Variants in ZNF248 observed in about 807,000 individuals in gnomAD.
The protein encoded by ZNF248 is KRAB protein domain.
In ZNF248, 20 loss-of-function variants were observed where a neutral mutation model predicts 44.3. That is an observed-to-expected ratio of 0.45 (90% CI 0.32 to 0.66). ZNF248 has a LOEUF of 0.66. ZNF248 is among the 30% of genes least tolerant of loss of function. The pLI is 0.04. For missense variants in ZNF248, 654 were observed against 677.0 expected (o/e 0.97, Z 0.38); for synonymous variants, 224 against 229.0 (o/e 0.98, Z 0.20).
downstream of ZNF248, among the ~76,000 whole-genome samples, chr10:37,772,608 G>T (rs1455203711): frequency 2.6e-5 from 4 of 152,204 alleles, no homozygotes; most frequent in Non-Finnish European, 5.9e-5. Flanking sequence ...GAGAGAAAAA[G>T]ATTTTGCTTT....
chr10:37,792,271 C>T (rs1006076883), intron 6 of ZNF248, among the ~76,000 whole-genome samples: 4 of 152,082 alleles, frequency 2.6e-5, no homozygotes, highest in Non-Finnish European at 4.4e-5. Context: ...GGAACTGTTT[C>T]CCTATAAACT....
intron 5 of ZNF248, 135 bp from the exon 6 acceptor site, chr10:37,833,251 A>C: frequency 7.7e-7 from 1 of 1,297,582 alleles, no homozygotes; most frequent in Non-Finnish European, 1.0e-6. Context: ...ACTGAGTTCA[A>C]GTGTACATTT....
Position 37,830,978 on chromosome 10 carries a change from G to A in ZNF248, c.*637C>T, listed in dbSNP as rs2055466847. On this transcript the variant is annotated 3_prime_UTR_variant, in exon 6 of 6. Transcript: ENST00000395867. ...TTTAACAATCAGAACTTTTAAGTCA[G>A]TATGAGGTTATACTAGCACATCACT... is the stretch of plus-strand genomic sequence containing the variant. 1.7e-6 allele frequency: 1 copy of A among 594,070 alleles called. No homozygotes were observed. The highest frequency in any genetic ancestry group is 2.0e-5 in the African/African-American group (1 of 51,076). The allele number at this position is 594,070 out of a possible 1,614,324, so 36.8% of individuals were successfully genotyped here. A position where few individuals can be genotyped will look rare whatever the true frequency, so the allele number is the denominator to read the frequency against.
intron 6 of ZNF248, among the ~76,000 whole-genome samples, chr10:37,777,039 A>G (rs1294327999): frequency 6.6e-6 from 1 of 152,190 alleles, no homozygotes; most frequent in Admixed American, 6.5e-5. Context: ...TACATATGCC[A>G]AAAATGTGAA....
chr10:37,824,874 G>A (rs2054121966), downstream of ZNF248, among the ~76,000 whole-genome samples: 1 of 137,804 alleles, frequency 7.3e-6, no homozygotes, highest in Non-Finnish European at 1.6e-5. Context: ...TTTTTTAGTA[G>A]AGACGGGGTT....
In ZNF248 at chr10:37,832,234, T is replaced by G. The variant is rs569750801; in HGVS notation, c.1121A>C (p.His374Pro). The change falls in exon 6 of 6, where the codon CAC becomes CCC. Residue 374 changes from histidine (H) to proline (P), a missense_variant. Physicochemically the swap from His to Pro is moderately conservative, Grantham distance 77 (BLOSUM62 -2). Transcript: ENST00000395867. ...KSHLTQLRRA[H>P]TGEKTFECGE... ...ACATTCAAAGGTTTTTTCTCCTGTG[T>G]GAGCTCTCCGAAGCTGGGTAAGATG... 1.9e-6 allele frequency: 3 copies of G among 1,614,108 alleles called. No homozygotes were observed. In the East Asian group the frequency reaches 6.7e-5, roughly 36 times the overall value.
chr10:37,767,566 G>A, the ZNF248 span, among the ~76,000 whole-genome samples: 1 of 152,258 alleles, frequency 6.6e-6, no homozygotes, highest in Admixed American at 6.5e-5. Flanking sequence ...TTACAGACAA[G>A]TAAATGCTGA....
chr10:37,811,729 C>T (rs2051546096), intron 6 of ZNF248, among the ~76,000 whole-genome samples: 1 of 151,128 alleles, frequency 6.6e-6, no homozygotes, highest in South Asian at 2.1e-4. Context: ...CCCTGTAGTC[C>T]TAGCTGCTTG....
downstream of ZNF248, among the ~76,000 whole-genome samples, chr10:37,827,786 G>A (rs2054623328): frequency 6.6e-6 from 1 of 152,116 alleles, no homozygotes; most frequent in Admixed American, 6.6e-5. Context: ...AGGCATCAAG[G>A]ATACCCAAGG....
intron 3 of ZNF248, among the ~76,000 whole-genome samples, 193 bp from the exon 4 acceptor site, chr10:37,838,304 T>C (rs1200027468): frequency 6.6e-6 from 1 of 152,230 alleles, no homozygotes; most frequent in Non-Finnish European, 1.5e-5. Context: ...TGCTAGCTGC[T>C]GCAAATCCTA....
the ZNF248 span, among the ~76,000 whole-genome samples, chr10:37,766,155 T>C: frequency 6.6e-6 from 1 of 152,244 alleles, no homozygotes. Context: ...GAGGCCTGCC[T>C]GCCTCTGTAG....
chr10:37,829,591 C>A lies in ZNF248; in HGVS notation c.*2024G>T, dbSNP rs2133832826. 1.0e-6 allele frequency: 1 copy of A among 985,350 alleles called. No individual in the cohort carries two copies. Among genetic ancestry groups the A allele is most frequent in the East Asian group, 1.1e-4 (1 of 8,814 alleles). The allele number at this position is 985,350 out of a possible 1,614,324, so 61.0% of individuals were successfully genotyped here. A position where few individuals can be genotyped will look rare whatever the true frequency, so the allele number is the denominator to read the frequency against. ...ACAGTTATTGAGGGTTATAAAAAGT[C>A]CCAGTAGAGAACAGGTATAGAGAGC... On this transcript the variant is annotated 3_prime_UTR_variant, in exon 6 of 6. Transcript: ENST00000395867.
intron 6 of ZNF248, chr10:37,820,877 ATTG>A: frequency 7.8e-7 from 1 of 1,283,326 alleles, no homozygotes; most frequent in South Asian, 1.2e-5. Flanking sequence ...TTGCATATTT[ATTG>A]TTTTTTCCTC....
intron 5 of ZNF248, among the ~76,000 whole-genome samples, chr10:37,834,462 T>C (rs1394718000): frequency 2.0e-5 from 3 of 152,168 alleles, no homozygotes; most frequent in Non-Finnish European, 4.4e-5. Flanking sequence ...TATCATAGAA[T>C]ACTTTCAGAA....
At chr10:37,774,423 C>T (rs1218520261), downstream of ZNF248, among the ~76,000 whole-genome samples, 1 of 152,162 alleles carries the variant, frequency 6.6e-6, no homozygotes, top group Non-Finnish European at 1.5e-5. Context: ...TGTGTTTCAG[C>T]TCTCGAGGGG....
At chr10:37,782,053 G>A (rs902537796) in intron 6 of ZNF248, among the ~76,000 whole-genome samples, 5 of 152,174 alleles carry the variant, frequency 3.3e-5, no homozygotes, top group African/African-American at 1.2e-4. Flanking sequence ...ACAGACACTT[G>A]AGTATATGGA....
chr10:37,760,119 A>T, the ZNF248 span, among the ~76,000 whole-genome samples: 19 of 152,340 alleles, frequency 1.2e-4, no homozygotes, highest in Admixed American at 7.8e-4. Flanking sequence ...ATCCAATCAG[A>T]ATGCAAAACT....
intron 6 of ZNF248, among the ~76,000 whole-genome samples, chr10:37,785,432 T>TATGC (rs1157108797): frequency 1.3e-5 from 2 of 152,200 alleles, no homozygotes; most frequent in Non-Finnish European, 2.9e-5. Flanking sequence ...AACAACAGTT[T>TATGC]ATTGTGCAAC....
chr10:37,826,840 A>G (rs1321232118), downstream of ZNF248, among the ~76,000 whole-genome samples: 1 of 152,128 alleles, frequency 6.6e-6, no homozygotes, highest in Non-Finnish European at 1.5e-5. Flanking sequence ...TTCTGACCAT[A>G]TTTCTTGATT....
Sources: allele counts gnomAD v4.1 joint callset (sites outside exome capture counted in the v4.1 genomes callset), GRCh38; gene constraint gnomAD v4.1.1; transcripts MANE v1.5; gene names NCBI Gene and HGNC (gene_info 2026-07-23, HGNC 2026-07-21).